NELL1: variants seen among roughly 807,000 people sequenced by gnomAD.
NELL1 encodes the protein neural EGFL like 1.
A neutral mutation model predicts 107.4 loss-of-function variants in NELL1; 76 were observed. The ratio of observed to expected loss-of-function variants is 0.71; its 90% CI spans 0.59 to 0.86. The LOEUF is 0.86. NELL1 is among the 40% of genes least tolerant of loss of function. The pLI is 0.00. For synonymous variants in NELL1, 353 were observed against 341.2 expected (o/e 1.03, Z -0.38); for missense variants, 1,024 against 1,005.5 (o/e 1.02, Z -0.25).
intron 2 of NELL1, among the ~76,000 whole-genome samples, chr11:20,767,473 G>T (rs1236236264): frequency 6.6e-6 from 1 of 152,196 alleles, no homozygotes; most frequent in Non-Finnish European, 1.5e-5. Flanking sequence ...ACAGAGTGCT[G>T]ATTGGTGCAT....
chr11:21,296,460 A>G (rs1849379586), intron 14 of NELL1, among the ~76,000 whole-genome samples: 1 of 151,972 alleles, frequency 6.6e-6, no homozygotes, highest in African/African-American at 2.4e-5. Flanking sequence ...CAAGTTGTAT[A>G]CTTTAAATAT....
In NELL1 at chr11:20,928,455, G is replaced by C. The variant is rs1850548071; in HGVS notation, c.973G>C (p.Gly325Arg). The C allele has an allele frequency of 6.2e-7, 1 of 1,613,800 alleles. No homozygotes were observed. Residue 325 changes from glycine (G) to arginine (R), a missense_variant, in exon 9 of 20, where the codon GGC becomes CGC. Physicochemically the swap from Gly to Arg is moderately radical, Grantham distance 125 (BLOSUM62 -2). Coordinates refer to ENST00000357134, the MANE Select transcript of NELL1 (RefSeq NM_006157.5). Reference sequence around the variant, plus strand: ...AGACTCCCTCCCAGTGCACATTGCTGGCCAGTGCTGTAAGGTCTGCCGACG... The same window carrying C: ...AGACTCCCTCCCAGTGCACATTGCTCGCCAGTGCTGTAAGGTCTGCCGACG... ...SPDSLPVHIA[G>R]QCCKVCRPKC...
At chr11:21,410,069 C>T (rs888256705) in intron 15 of NELL1, among the ~76,000 whole-genome samples, 6 of 152,070 alleles carry the variant, frequency 3.9e-5, no homozygotes, top group South Asian at 2.1e-4. Context: ...AACAATCTTG[C>T]CTTTTCAATG....
At chr11:21,389,546 A>G (rs912032154) in intron 15 of NELL1, among the ~76,000 whole-genome samples, 1 of 151,812 alleles carries the variant, frequency 6.6e-6, no homozygotes, top group East Asian at 2.0e-4. Flanking sequence ...AAAACTCACA[A>G]AAAGTTAACA....
chr11:20,748,089 C>T (rs534037714), intron 2 of NELL1, among the ~76,000 whole-genome samples: 4 of 152,232 alleles, frequency 2.6e-5, no homozygotes, highest in Admixed American at 1.3e-4. Context: ...AGATGCAAAA[C>T]CTTCATTCTA....
chr11:20,847,732 TG>T lies in NELL1; in HGVS notation c.486del (p.Leu163SerfsTer12). The T allele has an allele frequency of 1.2e-6, 2 of 1,612,478 alleles. No homozygotes were observed. Among genetic ancestry groups the T allele is most frequent in the Non-Finnish European group, 1.7e-6 (2 of 1,179,236 alleles). On this transcript the variant is annotated frameshift_variant, in exon 4 of 20. Coordinates refer to ENST00000357134, the MANE Select transcript of NELL1 (RefSeq NM_006157.5). LOFTEE classifies it high-confidence loss of function. ...VALSVSASHL[L>X]LHVDCNRIYE... ...CTGTCAGTTAGCGCCTCTCATCTCCTGCTCCATGTCGACTGTAACAGGTATT... is the reference window on the plus strand; with the variant it reads ...CTGTCAGTTAGCGCCTCTCATCTCCTCTCCATGTCGACTGTAACAGGTATT...
intron 3 of NELL1, among the ~76,000 whole-genome samples, chr11:20,797,408 CA>C (rs1010564203): frequency 1.3e-5 from 2 of 151,044 alleles, no homozygotes; most frequent in African/African-American, 4.9e-5. Flanking sequence ...ACTAAAAATA[CA>C]AAAAAAATTA....
chr11:21,122,986 G>A (rs1256997979), intron 13 of NELL1, among the ~76,000 whole-genome samples: 4 of 152,044 alleles, frequency 2.6e-5, no homozygotes, highest in Admixed American at 2.0e-4. Flanking sequence ...TGATAGTTTT[G>A]GAACTTGATC....
At chr11:21,272,249 G>A (rs569313862) in intron 14 of NELL1, among the ~76,000 whole-genome samples, 117 of 152,316 alleles carry the variant, frequency 7.7e-4, no homozygotes, top group African/African-American at 2.7e-3. Context: ...CACACCAGGA[G>A]ATTATATCCC....
intron 14 of NELL1, among the ~76,000 whole-genome samples, chr11:21,273,303 G>C (rs1848779417): frequency 6.6e-6 from 1 of 152,200 alleles, no homozygotes; most frequent in Non-Finnish European, 1.5e-5. Flanking sequence ...AAGGGTATCA[G>C]TGATGGAAGA....
At chr11:20,935,506 G>T (rs1168383595) in intron 9 of NELL1, among the ~76,000 whole-genome samples, 3 of 152,168 alleles carry the variant, frequency 2.0e-5, no homozygotes, top group African/African-American at 7.2e-5. Context: ...CACGGGAAAT[G>T]GTGGGCTGTG....
chr11:21,375,823 T>C (rs1286551485), intron 15 of NELL1, among the ~76,000 whole-genome samples: 1 of 152,174 alleles, frequency 6.6e-6, no homozygotes, highest in Non-Finnish European at 1.5e-5. Context: ...CATTATTTTA[T>C]ATATTTGTTG....
In NELL1 at chr11:21,517,081, G is replaced by A. The variant is rs1041780765; in HGVS notation, c.1646-17293G>A. ...TGGGATTAGAGGCATGAGCTACCGCGCCCAGCCACCATTGTATTCTTTAAA... is the reference window on the plus strand; with the variant it reads ...TGGGATTAGAGGCATGAGCTACCGCACCCAGCCACCATTGTATTCTTTAAA... On this transcript the variant is annotated intron_variant, in intron 15 of 19. Coordinates refer to ENST00000357134, the MANE Select transcript of NELL1 (RefSeq NM_006157.5). 3.9e-5 allele frequency among the ~76,000 whole-genome samples: 6 copies of A among 152,178 alleles called. 1 individual carries two copies. The South Asian group carries it at 8.3e-4, about 21-fold the overall frequency.
At chr11:20,878,810 C>G (rs938871975) in intron 4 of NELL1, among the ~76,000 whole-genome samples, 7 of 152,184 alleles carry the variant, frequency 4.6e-5, no homozygotes, top group Non-Finnish European at 8.8e-5. Flanking sequence ...AGGGAACTTT[C>G]ATTCATTTAT....
chr11:21,488,137 G>T, intron 15 of NELL1, among the ~76,000 whole-genome samples: 1 of 152,180 alleles, frequency 6.6e-6, no homozygotes, highest in African/African-American at 2.4e-5. Flanking sequence ...AATTGACAAT[G>T]AAATCATGGA....
At chr11:20,796,246 G>A (rs1225647878) in intron 3 of NELL1, among the ~76,000 whole-genome samples, 1 of 152,154 alleles carries the variant, frequency 6.6e-6, no homozygotes, top group Non-Finnish European at 1.5e-5. Context: ...CAAATGGAAT[G>A]CATTCTGTAA....
intron 15 of NELL1, among the ~76,000 whole-genome samples, chr11:21,426,330 T>C (rs1852821583): frequency 6.6e-6 from 1 of 152,174 alleles, no homozygotes; most frequent in African/African-American, 2.4e-5. Context: ...TCCCAGACCC[T>C]GATACAATAC....
chr11:21,283,302 T>C (rs957266129), intron 14 of NELL1, among the ~76,000 whole-genome samples: 2 of 152,034 alleles, frequency 1.3e-5, no homozygotes, highest in African/African-American at 4.8e-5. Flanking sequence ...ACACACACTA[T>C]TGTACCCACA....
chr11:21,448,579 C>T (rs893455876), intron 15 of NELL1, among the ~76,000 whole-genome samples: 1 of 152,128 alleles, frequency 6.6e-6, no homozygotes, highest in African/African-American at 2.4e-5. Context: ...GTCTAACTGA[C>T]ATAGAAAAAC....
Sources: allele counts gnomAD v4.1 joint callset (sites outside exome capture counted in the v4.1 genomes callset), GRCh38; gene constraint gnomAD v4.1.1; transcripts MANE v1.5; gene names NCBI Gene and HGNC (gene_info 2026-07-23, HGNC 2026-07-21).